Variants in CLSTN2 observed in about 807,000 individuals in gnomAD.
CLSTN2 encodes calsyntenin-2.
Under a neutral mutation model 101.2 loss-of-function variants are expected in CLSTN2, and 48 were observed. The ratio of observed to expected loss-of-function variants is 0.47; its 90% CI spans 0.38 to 0.60. The LOEUF is 0.60. CLSTN2 is among the 20% of genes least tolerant of loss of function. The probability of loss-of-function intolerance (pLI) is 0.00; values close to 1 mark genes in which losing one functional copy is unlikely to be tolerated. For synonymous variants in CLSTN2, 481 were observed against 463.6 expected, an observed-to-expected ratio of 1.04 and a Z score of -0.48; for missense variants, 1,160 against 1,238.2, an observed-to-expected ratio of 0.94 and a Z score of 0.95.
chr3:139,971,535 G>A (rs1181868490), intron 1 of CLSTN2, among the ~76,000 whole-genome samples: 3 of 152,228 alleles, frequency 2.0e-5, no homozygotes, highest in African/African-American at 7.2e-5. Context: ...ACTTCCTGGA[G>A]GAGGTATGGC....
At chr3:140,293,295 G>C (rs2086971335) in intron 2 of CLSTN2, among the ~76,000 whole-genome samples, 1 of 152,152 alleles carries the variant, frequency 6.6e-6, no homozygotes, top group Admixed American at 6.5e-5. Context: ...GCACGGAGGG[G>C]CAGTTGGCAC....
intron 2 of CLSTN2, among the ~76,000 whole-genome samples, chr3:140,363,825 AG>A (rs2107951800): frequency 6.6e-6 from 1 of 152,234 alleles, no homozygotes; most frequent in Admixed American, 6.5e-5. Context: ...TGAATCGAGG[AG>A]GGGGAACCTG....
At chr3:140,179,314 CT>C (rs559670991) in intron 2 of CLSTN2, among the ~76,000 whole-genome samples, 30 of 143,702 alleles carry the variant, frequency 2.1e-4, no homozygotes, top group Middle Eastern at 3.6e-3. Flanking sequence ...ATTTTTCTAC[CT>C]TTTTTTTTTT....
At chr3:140,148,440 C>G (rs183478940) in intron 1 of CLSTN2, among the ~76,000 whole-genome samples, 1 of 152,218 alleles carries the variant, frequency 6.6e-6, no homozygotes, top group African/African-American at 2.4e-5. Context: ...ATGTTTGAGA[C>G]AGCCCAGCCT....
intron 2 of CLSTN2, among the ~76,000 whole-genome samples, chr3:140,266,051 C>G (rs2086691095): frequency 6.6e-6 from 1 of 152,182 alleles, no homozygotes; most frequent in Non-Finnish European, 1.5e-5. Context: ...CCTTCCAGTA[C>G]TGCACCTGAC....
intron 1 of CLSTN2, among the ~76,000 whole-genome samples, chr3:140,081,075 AAAAG>A (rs2008590235): frequency 6.6e-6 from 1 of 152,224 alleles, no homozygotes; most frequent in African/African-American, 2.4e-5. Context: ...ATGGGCCTCC[AAAAG>A]AAAGAAAGAT....
rs570882411 is a variant in CLSTN2, at chr3:140,268,876, G to A, written c.232+92803G>A. 3.3e-4 allele frequency among the ~76,000 whole-genome samples: 50 copies of A among 152,272 alleles called. No homozygotes were observed. The South Asian group carries it at 1.0e-2, about 30-fold the overall frequency. ...CTGTGTACAGGATAGAAACTATAAG[G>A]CACCTACCTTGATTGCTGTGATCGG... On this transcript the variant is annotated intron_variant, in intron 2 of 16. Transcript: ENST00000458420.
chr3:140,375,784 A>G (rs925470262), intron 2 of CLSTN2, among the ~76,000 whole-genome samples: 1 of 152,128 alleles, frequency 6.6e-6, no homozygotes, highest in Non-Finnish European at 1.5e-5. Flanking sequence ...TCTTTGATTC[A>G]TCATTTTGTT....
chr3:140,209,566 C>T (rs2010829497), intron 2 of CLSTN2, among the ~76,000 whole-genome samples: 2 of 152,096 alleles, frequency 1.3e-5, no homozygotes, highest in Non-Finnish European at 2.9e-5. Context: ...GCATGGGGTG[C>T]TGAGGGAAGC....
chr3:140,221,685 C>T (rs2086274714), intron 2 of CLSTN2, among the ~76,000 whole-genome samples: 1 of 152,122 alleles, frequency 6.6e-6, no homozygotes, highest in Non-Finnish European at 1.5e-5. Context: ...TATGAATAGA[C>T]ATTTCTCAAA....
intron 4 of CLSTN2, among the ~76,000 whole-genome samples, chr3:140,420,828 G>A (rs73228978): frequency 0.034 from 5,209 of 152,266 alleles, 120 homozygotes; most frequent in Non-Finnish European, 0.05. Flanking sequence ...GAAGTCTTCT[G>A]GCAGCCCATT....
chr3:139,960,386 C>G (rs143097081), intron 1 of CLSTN2, among the ~76,000 whole-genome samples: 4 of 152,274 alleles, frequency 2.6e-5, no homozygotes, highest in Non-Finnish European at 5.9e-5. Flanking sequence ...TCTGTCTTGA[C>G]CTCCTTTGAG....
intron 2 of CLSTN2, among the ~76,000 whole-genome samples, chr3:140,206,568 G>A (rs767185697): frequency 7.2e-5 from 11 of 152,194 alleles, no homozygotes; most frequent in Non-Finnish European, 1.2e-4. Flanking sequence ...CAAACACTGG[G>A]CTCTTATCTT....
intron 5 of CLSTN2, among the ~76,000 whole-genome samples, chr3:140,438,808 C>T (rs1031510188): frequency 9.9e-5 from 15 of 152,146 alleles, no homozygotes; most frequent in Middle Eastern, 3.2e-3. Context: ...CTTTGAAGTG[C>T]GTGGTTTCTG....
At chr3:140,008,539 G>T (rs527531666) in intron 1 of CLSTN2, among the ~76,000 whole-genome samples, 5 of 152,326 alleles carry the variant, frequency 3.3e-5, no homozygotes, top group Admixed American at 3.3e-4. Flanking sequence ...AGCTGTTCTT[G>T]CAATGTGTGG....
chr3:140,001,080 A>G lies in CLSTN2; in HGVS notation c.109+65597A>G, dbSNP rs143384261. 3.1e-4 allele frequency among the ~76,000 whole-genome samples: 47 copies of G among 152,304 alleles called. No individual in the cohort carries two copies. The East Asian group carries it at 7.3e-3, about 24-fold the overall frequency. ...TGACTTATTTGTTCCCATATTGTAC[A>G]TGCGGAAATTGAAGCTTGGAAGAGT... On this transcript the variant is annotated intron_variant, in intron 1 of 16. Coordinates refer to ENST00000458420, the MANE Select transcript of CLSTN2 (RefSeq NM_022131.3).
chr3:140,065,637 C>G (rs113065176), intron 1 of CLSTN2, among the ~76,000 whole-genome samples: 1 of 152,018 alleles, frequency 6.6e-6, no homozygotes, highest in Non-Finnish European at 1.5e-5. Context: ...AGGTCAACAC[C>G]CAGACTTAAC....
At chr3:140,265,584 G>A (rs920474114) in intron 2 of CLSTN2, among the ~76,000 whole-genome samples, 5 of 152,152 alleles carry the variant, frequency 3.3e-5, no homozygotes, top group Non-Finnish European at 5.9e-5. Flanking sequence ...GTGATTAAGC[G>A]CAGTTTCAAT....
At chr3:140,253,269 G>A (rs1428798542) in intron 2 of CLSTN2, among the ~76,000 whole-genome samples, 1 of 152,088 alleles carries the variant, frequency 6.6e-6, no homozygotes, top group Non-Finnish European at 1.5e-5. Flanking sequence ...GCTAGTCAAG[G>A]TCAGCGTGTT....
Sources: gnomAD v4.1 joint callset for allele counts (sites outside exome capture counted in the v4.1 genomes callset) on GRCh38, gnomAD v4.1.1 for gene constraint, MANE v1.5 for transcripts, NCBI Gene and HGNC (gene_info 2026-07-23, HGNC 2026-07-21) for gene names.